The following RBFOX1 variants were observed in gnomAD, a reference collection of about 807,000 sequenced individuals.
The protein encoded by RBFOX1 is RNA binding protein fox-1 homolog 1.
A neutral mutation model predicts 57.7 loss-of-function variants in RBFOX1; 8 were observed. The observed-to-expected ratio is 0.14, with a 90% confidence interval of 0.08 to 0.25. The LOEUF (loss-of-function observed/expected upper bound fraction) is 0.25. Ranked by LOEUF, RBFOX1 falls within the 10% of genes least tolerant of loss-of-function variation. RBFOX1 has a pLI of 1.00. For synonymous variants in RBFOX1, 326 were observed against 222.4 expected (o/e 1.47, Z -4.15); for missense variants, 611 against 548.5 (o/e 1.11, Z -1.14).
intron 2 of RBFOX1, among the ~76,000 whole-genome samples, chr16:6,345,559 G>C (rs1008498134): frequency 1.3e-5 from 2 of 152,264 alleles, no homozygotes; most frequent in Non-Finnish European, 2.9e-5. Flanking sequence ...TCCAGAGTCA[G>C]TTGCCACCTC....
intron 1 of RBFOX1, among the ~76,000 whole-genome samples, chr16:6,217,414 G>A (rs1244336705): frequency 6.6e-6 from 1 of 151,948 alleles, no homozygotes; most frequent in Non-Finnish European, 1.5e-5. Context: ...TCAGAATTGA[G>A]AAAACGTGAT....
intron 4 of RBFOX1, among the ~76,000 whole-genome samples, chr16:7,405,334 C>T (rs117011231): frequency 0.015 from 2,355 of 152,320 alleles, 28 homozygotes; most frequent in Non-Finnish European, 0.025. Context: ...GGAAAGCCTT[C>T]AGCTGCGATG....
At chr16:6,582,851 C>G (rs1021598183) in intron 2 of RBFOX1, among the ~76,000 whole-genome samples, 3 of 108,076 alleles carry the variant, frequency 2.8e-5, no homozygotes, top group Non-Finnish European at 2.1e-5. Flanking sequence ...TTCATTTCAA[C>G]AGAAACAACT....
chr16:6,593,283 G>A (rs1247299711), intron 2 of RBFOX1, among the ~76,000 whole-genome samples: 4 of 152,138 alleles, frequency 2.6e-5, no homozygotes, highest in Non-Finnish European at 5.9e-5. Context: ...TCCCTAAAAT[G>A]TATTGCTCAA....
At chr16:5,886,863 G>C (rs188197874) in intron 4 of RBFOX1, among the ~76,000 whole-genome samples, 1 of 152,198 alleles carries the variant, frequency 6.6e-6, no homozygotes, top group African/African-American at 2.4e-5. Flanking sequence ...ATTCTAGCCT[G>C]GGCAACGGAG....
chr16:6,763,057 T>A (rs1300160035), intron 3 of RBFOX1, among the ~76,000 whole-genome samples: 1 of 152,072 alleles, frequency 6.6e-6, no homozygotes, highest in African/African-American at 2.4e-5. Flanking sequence ...ATTATTAAGG[T>A]CCTACAATAT....
intron 3 of RBFOX1, among the ~76,000 whole-genome samples, chr16:7,027,631 C>G (rs1471114654): frequency 1.3e-5 from 2 of 152,162 alleles, no homozygotes; most frequent in Non-Finnish European, 2.9e-5. Flanking sequence ...TTTAATCCCC[C>G]AAGCCCAACT....
intron 2 of RBFOX1, among the ~76,000 whole-genome samples, chr16:5,590,325 T>C (rs1311716037): frequency 6.6e-6 from 1 of 152,180 alleles, no homozygotes; most frequent in East Asian, 1.9e-4. Context: ...CATCTGGGAA[T>C]AGGGAGGTAA....
intron 4 of RBFOX1, among the ~76,000 whole-genome samples, chr16:7,174,164 G>A (rs2081231432): frequency 6.6e-6 from 1 of 150,868 alleles, no homozygotes; most frequent in Non-Finnish European, 1.5e-5. Context: ...TAATTTAGCA[G>A]AAAGTTTATC....
rs1363086801 is a variant in RBFOX1, at chr16:6,019,376, C to T, written c.-743C>T. The T allele has an allele frequency of 3.0e-6, 3 of 985,572 alleles. No homozygotes were observed. The highest frequency in any genetic ancestry group is 2.4e-6 in the Non-Finnish European group (2 of 830,204). The allele number at this position is 985,572 out of a possible 1,614,324, so 61.1% of individuals were successfully genotyped here. ...GAGTCGGTGGGACTGGCTGCGCTGC[C>T]CTGAAGTGGTTCTCCAAGCAGCGCG... On this transcript the variant is annotated 5_prime_UTR_variant, in exon 1 of 16. Transcript: ENST00000550418. The surrounding 1 kb of genome is among the most constrained non-coding windows in gnomAD (Gnocchi z 4.2).
chr16:5,721,076 T>G (rs1054814625), intron 3 of RBFOX1, among the ~76,000 whole-genome samples: 2 of 152,208 alleles, frequency 1.3e-5, no homozygotes, highest in African/African-American at 4.8e-5. Flanking sequence ...TTATTTTCAT[T>G]TATTTAGGTT....
intron 2 of RBFOX1, among the ~76,000 whole-genome samples, chr16:6,521,838 G>C (rs1033790108): frequency 1.3e-5 from 2 of 152,118 alleles, no homozygotes; most frequent in Non-Finnish European, 2.9e-5. Context: ...AAAAATGGAA[G>C]GCTTAGAGTT....
chr16:5,540,069 A>G (rs1246100305), intron 2 of RBFOX1, among the ~76,000 whole-genome samples: 1 of 152,170 alleles, frequency 6.6e-6, no homozygotes, highest in African/African-American at 2.4e-5. Context: ...TTATTTTTCT[A>G]AAGGTAAGAG....
At chr16:6,936,570 T>C (rs1179511786) in intron 3 of RBFOX1, among the ~76,000 whole-genome samples, 2 of 152,174 alleles carry the variant, frequency 1.3e-5, no homozygotes, top group African/African-American at 2.4e-5. Context: ...CATTGCTTAA[T>C]TGTTTCCTGT....
chr16:7,450,796 G>A (rs540915853), intron 4 of RBFOX1, among the ~76,000 whole-genome samples: 1 of 152,146 alleles, frequency 6.6e-6, no homozygotes, highest in Non-Finnish European at 1.5e-5. Context: ...ACATTGAAGA[G>A]GCTCAATGAC....
At chr16:6,695,168 C>T in intron 3 of RBFOX1, among the ~76,000 whole-genome samples, 1 of 152,000 alleles carries the variant, frequency 6.6e-6, no homozygotes, top group South Asian at 2.1e-4. Flanking sequence ...GCCTGAAATC[C>T]CAGCACTTTG....
intron 3 of RBFOX1, among the ~76,000 whole-genome samples, chr16:6,841,164 C>T (rs2093440962): frequency 2.0e-5 from 3 of 151,838 alleles, no homozygotes; most frequent in African/African-American, 7.3e-5. Flanking sequence ...TGGCATTTTG[C>T]TAGAAGCCTG....
chr16:6,410,662 G>A (rs985963661), intron 2 of RBFOX1, among the ~76,000 whole-genome samples: 1 of 152,174 alleles, frequency 6.6e-6, no homozygotes, highest in African/African-American at 2.4e-5. Context: ...GCGTGCGGAA[G>A]CACACTGATG....
chr16:5,669,965 A>G (rs1200234255), intron 3 of RBFOX1, among the ~76,000 whole-genome samples: 1 of 152,224 alleles, frequency 6.6e-6, no homozygotes, highest in Admixed American at 6.5e-5. Context: ...AGATAAACAC[A>G]TTGTGGTCTA....
Sources: gnomAD v4.1 joint callset for allele counts (sites outside exome capture counted in the v4.1 genomes callset) on GRCh38, gnomAD v4.1.1 for gene constraint, Gnocchi (gnomAD v3.1) non-coding constraint, MANE v1.5 for transcripts, NCBI Gene and HGNC (gene_info 2026-07-23, HGNC 2026-07-21) for gene names.